HS3ST4: variants seen among roughly 807,000 people sequenced by gnomAD.
HS3ST4 encodes the protein heparan sulfate glucosamine 3-O-sulfotransferase 4.
Under a neutral mutation model 29.2 loss-of-function variants are expected in HS3ST4, and 17 were observed. The observed-to-expected ratio is 0.58, with a 90% CI of 0.40 to 0.87. HS3ST4 has a LOEUF of 0.87. HS3ST4 is among the 40% of genes least tolerant of loss of function. HS3ST4 has a pLI of 0.00. For synonymous variants in HS3ST4, 314 were observed against 285.7 expected (o/e 1.10, Z -1.00); for missense variants, 627 against 634.5 (o/e 0.99, Z 0.13).
intron 1 of HS3ST4, among the ~76,000 whole-genome samples, chr16:25,711,312 C>CA (rs1966413780): frequency 6.6e-6 from 1 of 152,000 alleles, no homozygotes; most frequent in Non-Finnish European, 1.5e-5. Context: ...TACCCCTTCC[C>CA]AATGTGGGGC....
chr16:25,839,125 CTG>C (rs1967389318), intron 1 of HS3ST4, among the ~76,000 whole-genome samples: 1 of 152,158 alleles, frequency 6.6e-6, no homozygotes, highest in Non-Finnish European at 1.5e-5. Context: ...ATCCAGGACT[CTG>C]TATATATCCT....
chr16:25,957,675 T>C (rs1181774341), intron 1 of HS3ST4, among the ~76,000 whole-genome samples: 3 of 152,218 alleles, frequency 2.0e-5, no homozygotes, highest in Non-Finnish European at 4.4e-5. Flanking sequence ...CGCCTCGGCC[T>C]CCCAAAGTAC....
intron 1 of HS3ST4, among the ~76,000 whole-genome samples, chr16:26,132,092 T>C (rs756422139): frequency 4.6e-5 from 7 of 152,188 alleles, no homozygotes; most frequent in Non-Finnish European, 1.0e-4. Context: ...TAAAGAGCTC[T>C]TTATGTATCA....
At chr16:26,021,083 C>T (rs531022457) in intron 1 of HS3ST4, among the ~76,000 whole-genome samples, 1 of 152,288 alleles carries the variant, frequency 6.6e-6, no homozygotes, top group South Asian at 2.1e-4. Context: ...TTTGAAACAT[C>T]AAAACAGCCC....
chr16:25,895,181 G>A (rs946850578), intron 1 of HS3ST4, among the ~76,000 whole-genome samples: 2 of 152,150 alleles, frequency 1.3e-5, no homozygotes, highest in African/African-American at 4.8e-5. Context: ...GTGTGCGTGT[G>A]TGTGGCAGTT....
At chr16:25,934,320 A>G (rs1246967407) in intron 1 of HS3ST4, among the ~76,000 whole-genome samples, 1 of 152,220 alleles carries the variant, frequency 6.6e-6, no homozygotes, top group Admixed American at 6.5e-5. Context: ...CTAGGGAGAA[A>G]TAAGAGGCAA....
chr16:25,849,425 G>A (rs1409707752), intron 1 of HS3ST4, among the ~76,000 whole-genome samples: 5 of 152,112 alleles, frequency 3.3e-5, no homozygotes, highest in Non-Finnish European at 5.9e-5. Flanking sequence ...ATTCTGAATC[G>A]TTTTGGTATA....
intron 1 of HS3ST4, among the ~76,000 whole-genome samples, chr16:25,793,764 A>G (rs554829670): frequency 6.6e-6 from 1 of 152,108 alleles, no homozygotes; most frequent in South Asian, 2.1e-4. Flanking sequence ...ATATTTAATT[A>G]CTGATATGCT....
intron 1 of HS3ST4, among the ~76,000 whole-genome samples, chr16:25,915,689 G>T (rs1460838443): frequency 6.6e-6 from 1 of 152,108 alleles, no homozygotes; most frequent in Admixed American, 6.6e-5. Flanking sequence ...CACATAAAAT[G>T]CCACGTTAGG....
At chr16:25,781,849 G>A (rs1172682688) in intron 1 of HS3ST4, among the ~76,000 whole-genome samples, 1 of 152,152 alleles carries the variant, frequency 6.6e-6, no homozygotes, top group East Asian at 1.9e-4. Context: ...GGGGCTGAAA[G>A]CTTCTAGTCA....
At chr16:26,105,490 T>A (rs1899041784) in intron 1 of HS3ST4, among the ~76,000 whole-genome samples, 1 of 152,232 alleles carries the variant, frequency 6.6e-6, no homozygotes, top group East Asian at 1.9e-4. Flanking sequence ...CCCCTGTGAT[T>A]CCGAAATAAA....
chr16:26,133,239 A>G (rs571940409), intron 1 of HS3ST4, among the ~76,000 whole-genome samples: 11 of 152,306 alleles, frequency 7.2e-5, no homozygotes, highest in African/African-American at 2.6e-4. Context: ...CATGATCCCA[A>G]GTGATTTACC....
At chr16:26,009,779 G>A (rs1471282958) in intron 1 of HS3ST4, among the ~76,000 whole-genome samples, 1 of 152,162 alleles carries the variant, frequency 6.6e-6, no homozygotes, top group African/African-American at 2.4e-5. Context: ...AGCAGTTCAC[G>A]TGCTCTCGCC....
Position 25,732,229 on chromosome 16 carries a change from AC to A in HS3ST4, c.734+39084del, listed in dbSNP as rs576705751. Reference sequence around the variant, plus strand: ...TCCACTTTCTCTTCTGCCCACCCCTACCCCCCAAACCCTTGGCATCAAATAA... The same window carrying A: ...TCCACTTTCTCTTCTGCCCACCCCTACCCCCAAACCCTTGGCATCAAATAA... On this transcript the variant is annotated intron_variant, in intron 1 of 1. Coordinates refer to ENST00000331351, the MANE Select transcript of HS3ST4 (RefSeq NM_006040.3). Among the ~76,000 whole-genome samples, 20 of 151,764 alleles carry A rather than the reference AC, an allele frequency of 1.3e-4. No homozygotes were observed. In the East Asian group the frequency reaches 2.9e-3, roughly 22 times the overall value.
intron 1 of HS3ST4, among the ~76,000 whole-genome samples, chr16:25,830,224 A>C (rs2141639064): frequency 6.6e-6 from 1 of 152,344 alleles, no homozygotes; most frequent in East Asian, 1.9e-4. Context: ...AGACAATAAA[A>C]GTTAGCTAAA....
At chr16:25,929,282 T>G (rs1168916259) in intron 1 of HS3ST4, among the ~76,000 whole-genome samples, 1 of 151,650 alleles carries the variant, frequency 6.6e-6, no homozygotes, top group East Asian at 1.9e-4. Flanking sequence ...CTCAGGAGGC[T>G]CAGGCAGGAG....
rs1898282876 is a variant in HS3ST4 at position 26,136,257 on chromosome 16, A to G, written c.*9A>G. On this transcript the variant is annotated 3_prime_UTR_variant, in exon 2 of 2. Coordinates refer to ENST00000331351, the MANE Select transcript of HS3ST4 (RefSeq NM_006040.3). ...AAGAGGGTGATAAATGAGGCTAGAG[A>G]GGCAGAGGAAGGCTAGTCAATAAGC... is the stretch of plus-strand genomic sequence containing the variant. 1.2e-6 allele frequency: 2 copies of G among 1,603,656 alleles called. No individual in the cohort carries two copies.
chr16:25,867,581 C>T (rs138004055), intron 1 of HS3ST4, among the ~76,000 whole-genome samples: 55 of 152,078 alleles, frequency 3.6e-4, no homozygotes, highest in South Asian at 2.3e-3. Flanking sequence ...CACACACGCA[C>T]GCACACACAC....
chr16:25,991,394 G>T (rs949890668), intron 1 of HS3ST4, among the ~76,000 whole-genome samples: 5 of 151,974 alleles, frequency 3.3e-5, no homozygotes, highest in Admixed American at 2.0e-4. Flanking sequence ...CCTACTGAAA[G>T]AAAAAAAGAG....
Sources: allele counts gnomAD v4.1 joint callset (sites outside exome capture counted in the v4.1 genomes callset), GRCh38; gene constraint gnomAD v4.1.1; transcripts MANE v1.5; gene names NCBI Gene and HGNC (gene_info 2026-07-23, HGNC 2026-07-21).